EPN2: variants seen among roughly 807,000 people sequenced by gnomAD.
EPN2 encodes the protein epsin-2.
EPN2 carries 34 observed loss-of-function variants against 61.7 expected under a neutral mutation model. The observed-to-expected ratio is 0.55, with a 90% CI of 0.42 to 0.73. The LOEUF is 0.73. Ranked by LOEUF, EPN2 falls within the 30% of genes least tolerant of loss-of-function variation. The probability of loss-of-function intolerance (pLI) is 0.00; values close to 1 mark genes in which losing one functional copy is unlikely to be tolerated. For synonymous variants in EPN2, 349 were observed against 353.6 expected (o/e 0.99, Z 0.15); for missense variants, 714 against 839.2 (o/e 0.85, Z 1.84).
At chr17:19,295,354 A>ACGCG (rs1261153194) in intron 4 of EPN2, among the ~76,000 whole-genome samples, 16 of 63,462 alleles carry the variant, frequency 2.5e-4, no homozygotes, top group East Asian at 9.4e-4. Context: ...ACACACACAC[A>ACGCG]CACACACACA....
At chr17:19,248,663 C>T (rs1206838358) in intron 1 of EPN2, among the ~76,000 whole-genome samples, 1 of 152,168 alleles carries the variant, frequency 6.6e-6, no homozygotes, top group Non-Finnish European at 1.5e-5. Flanking sequence ...TTCATTTATT[C>T]TTTACTTAAT....
At chr17:19,312,972 A>G in intron 6 of EPN2, 133 bp from the exon 7 acceptor site, 2 of 888,632 alleles carry the variant, frequency 2.3e-6, no homozygotes, top group Non-Finnish European at 3.4e-6. Context: ...TCAGTTTCCA[A>G]GTTCTTCTCA....
intron 10 of EPN2, among the ~76,000 whole-genome samples, chr17:19,332,385 AG>A (rs1907204028): frequency 6.6e-6 from 1 of 152,046 alleles, no homozygotes; most frequent in Non-Finnish European, 1.5e-5. Context: ...CAGGTGGAGT[AG>A]GGTGGGCTGC....
At chr17:19,312,432 G>A (rs903387216) in intron 6 of EPN2, among the ~76,000 whole-genome samples, 1 of 152,250 alleles carries the variant, frequency 6.6e-6, no homozygotes, top group African/African-American at 2.4e-5. Context: ...TGTCAAGTGA[G>A]CTACATGCCA....
At chr17:19,268,473 C>T (rs1346463180) in intron 1 of EPN2, among the ~76,000 whole-genome samples, 1 of 152,208 alleles carries the variant, frequency 6.6e-6, no homozygotes, top group African/African-American at 2.4e-5. Flanking sequence ...TCCTCCATCT[C>T]AGTCTCGCAC....
intron 7 of EPN2, among the ~76,000 whole-genome samples, chr17:19,327,260 A>G (rs1318428198): frequency 1.3e-5 from 2 of 152,164 alleles, no homozygotes; most frequent in Non-Finnish European, 2.9e-5. Flanking sequence ...TTTTCATAGA[A>G]TGGAACAAAA....
chr17:19,322,359 A>G (rs1354616805), intron 7 of EPN2, among the ~76,000 whole-genome samples: 1 of 152,104 alleles, frequency 6.6e-6, no homozygotes, highest in Non-Finnish European at 1.5e-5. Context: ...CTTGGGAAGG[A>G]GTGAAGGCAG....
At chr17:19,271,860 C>T (rs545666800) in intron 1 of EPN2, 3 of 152,500 alleles carry the variant, frequency 2.0e-5, no homozygotes, top group Admixed American at 1.3e-4. Context: ...TACATCACTA[C>T]TGTGCCCGAA....
intron 2 of EPN2, 137 bp downstream of exon 2, chr17:19,282,214 A>T (rs528959345): frequency 6.6e-6 from 1 of 152,326 alleles, no homozygotes; most frequent in South Asian, 2.1e-4. Context: ...TTAAGGCTGT[A>T]TTAGCTTGGG....
At chr17:19,272,548 AT>A in intron 1 of EPN2, among the ~76,000 whole-genome samples, 1 of 152,200 alleles carries the variant, frequency 6.6e-6, no homozygotes, top group African/African-American at 2.4e-5. Context: ...TAATTCCATC[AT>A]TTTAGAAGCG....
chr17:19,301,403 C>T lies in EPN2; in HGVS notation c.767-8482C>T, dbSNP rs968195640. Among the ~76,000 whole-genome samples the T allele has an allele frequency of 3.3e-5, 5 of 152,322 alleles. No homozygotes were observed. The East Asian group carries it at 5.8e-4, about 18-fold the overall frequency. ...CATAACCCCTGGTCAGAAGAAGGCA[C>T]TGTAAGTGCTGAGTCCACACCATGT... is the stretch of plus-strand genomic sequence containing the variant. On this transcript the variant is annotated intron_variant, in intron 4 of 10. Transcript: ENST00000314728.
chr17:19,333,870 G>C (rs1907274444), intron 10 of EPN2, 86 bp from the exon 11 acceptor site: 1 of 1,206,902 alleles, frequency 8.3e-7, no homozygotes. Context: ...GCAGGGACCA[G>C]AACACCCGCA....
intron 4 of EPN2, among the ~76,000 whole-genome samples, chr17:19,286,146 C>T (rs1263373309): frequency 6.6e-6 from 1 of 152,224 alleles, no homozygotes; most frequent in Non-Finnish European, 1.5e-5. Flanking sequence ...GGTCAGACAA[C>T]TTGGCTTGTT....
chr17:19,274,100 A>G (rs2045283072), intron 1 of EPN2: 2 of 152,306 alleles, frequency 1.3e-5, no homozygotes, highest in African/African-American at 4.8e-5. Context: ...GGAAAGATAA[A>G]GCCAGTGAAT....
chr17:19,312,853 A>G, intron 6 of EPN2: 1 of 453,062 alleles, frequency 2.2e-6, no homozygotes, highest in Non-Finnish European at 3.9e-6. Context: ...TAGCCTGGAA[A>G]AGTCTGTTGA....
At chr17:19,277,058 C>A (rs1019948650) in intron 1 of EPN2, among the ~76,000 whole-genome samples, 1 of 151,982 alleles carries the variant, frequency 6.6e-6, no homozygotes, top group Admixed American at 6.6e-5. Flanking sequence ...GTGGAGCGTG[C>A]AAACTATGCG....
At chr17:19,331,827 C>T (rs942781045) in intron 9 of EPN2, 26 bp from the exon 10 acceptor site, 8 of 1,596,918 alleles carry the variant, frequency 5.0e-6, no homozygotes, top group Non-Finnish European at 6.0e-6. Flanking sequence ...CACACTCACC[C>T]TGCCATATGT....
intron 1 of EPN2, among the ~76,000 whole-genome samples, chr17:19,256,968 C>G (rs1325505865): frequency 1.3e-5 from 2 of 152,176 alleles, no homozygotes; most frequent in African/African-American, 4.8e-5. Context: ...ACTGTCCCTG[C>G]TTTAAAGAGA....
chr17:19,334,235 C>G lies in EPN2; in HGVS notation c.1907C>G (p.Thr636Ser). The change falls in exon 11 of 11, where the codon ACC becomes AGC. Residue 636 changes from threonine to serine, a missense_variant. By Grantham distance (58) the Thr-to-Ser change is moderately conservative (BLOSUM62 1). This residue lies in a region of EPN2 where 410 missense variants were observed against 421.8 expected (regional missense o/e 0.97). Transcript: ENST00000314728. The surrounding 1 kb of genome is among the most constrained non-coding windows in gnomAD (Gnocchi z 4.9). ...PPSAAQATGT[T>S]NPFLL ...TCAGCAGCCCAGGCCACTGGCACAA[C>G]CAACCCTTTCCTTCTCTAGTGCCTG... 6.8e-7 allele frequency: 1 copy of G among 1,472,456 alleles called. No individual in the cohort carries two copies. Among genetic ancestry groups the G allele is most frequent in the Non-Finnish European group, 9.1e-7 (1 of 1,100,568 alleles). The allele number at this position is 1,472,456 out of a possible 1,614,324, so 91.2% of individuals were successfully genotyped here. A position where few individuals can be genotyped will look rare whatever the true frequency, so the allele number is the denominator to read the frequency against.
Sources: gnomAD v4.1 joint callset for allele counts (sites outside exome capture counted in the v4.1 genomes callset) on GRCh38, gnomAD v4.1.1 for gene constraint, gnomAD v4.1.1 regional missense constraint, Gnocchi (gnomAD v3.1) non-coding constraint, MANE v1.5 for transcripts, NCBI Gene and HGNC (gene_info 2026-07-23, HGNC 2026-07-21) for gene names.